The following CNIH3 variants were observed in gnomAD, a reference collection of about 807,000 sequenced individuals.
CNIH3 encodes the protein protein cornichon homolog 3.
Under a neutral mutation model 24.1 loss-of-function variants are expected in CNIH3, and 14 were observed. The ratio of observed to expected loss-of-function variants is 0.58; its 90% CI spans 0.38 to 0.91. CNIH3 has a LOEUF of 0.91. Ranked by LOEUF, CNIH3 falls within the 40% of genes least tolerant of loss-of-function variation. CNIH3 has a pLI of 0.00. For missense variants in CNIH3, 178 were observed against 196.8 expected, an observed-to-expected ratio of 0.90 and a Z score of 0.57; for synonymous variants, 68 against 73.8, an observed-to-expected ratio of 0.92 and a Z score of 0.40.
intron 5 of CNIH3, 33 bp from the exon 6 acceptor site, chr1:224,739,293 CTCT>C: frequency 1.3e-6 from 2 of 1,561,666 alleles, no homozygotes; most frequent in Non-Finnish European, 8.6e-7. Flanking sequence ...ACACCTTCCT[CTCT>C]TTTTTTTTTT....
intron 1 of CNIH3, among the ~76,000 whole-genome samples, chr1:224,504,181 G>T (rs144222647): frequency 1.3e-5 from 2 of 152,296 alleles, no homozygotes; most frequent in African/African-American, 4.8e-5. Flanking sequence ...CCACATGTTA[G>T]CTGACCTTGG....
chr1:224,734,806 G>A (rs1187149276), intron 5 of CNIH3, 100 bp downstream of exon 5: 1 of 1,280,742 alleles, frequency 7.8e-7, no homozygotes, highest in Non-Finnish European at 1.1e-6. Flanking sequence ...TGGCGTGCGA[G>A]GGTGGGAGTC....
intron 3 of CNIH3, among the ~76,000 whole-genome samples, chr1:224,551,048 A>G (rs983688432): frequency 2.6e-4 from 39 of 152,228 alleles, no homozygotes; most frequent in Middle Eastern, 3.4e-3. Context: ...TAGAATGGCG[A>G]TCATTAAAAA....
chr1:224,528,877 C>T (rs931633564), intron 2 of CNIH3, among the ~76,000 whole-genome samples: 3 of 152,264 alleles, frequency 2.0e-5, no homozygotes, highest in African/African-American at 4.8e-5. Flanking sequence ...ACCCAACTTG[C>T]GCGTGGTCAT....
chr1:224,450,366 A>G (rs1039386778), intron 1 of CNIH3, among the ~76,000 whole-genome samples: 1 of 152,140 alleles, frequency 6.6e-6, no homozygotes, highest in Non-Finnish European at 1.5e-5. Flanking sequence ...TTAAAGAAGG[A>G]CCACATGACA....
chr1:224,577,981 C>G (rs1056957693), intron 4 of CNIH3, among the ~76,000 whole-genome samples: 2 of 151,736 alleles, frequency 1.3e-5, no homozygotes, highest in Non-Finnish European at 2.9e-5. Flanking sequence ...GAAAACCAAA[C>G]ATCCTATGTT....
intron 1 of CNIH3, among the ~76,000 whole-genome samples, chr1:224,678,584 T>C (rs1264688100): frequency 6.6e-6 from 1 of 152,038 alleles, no homozygotes; most frequent in Admixed American, 6.6e-5. Flanking sequence ...AGAGGAAAGA[T>C]TTGCTGGGGT....
intron 1 of CNIH3, among the ~76,000 whole-genome samples, chr1:224,500,732 G>A (rs1677622085): frequency 6.6e-6 from 1 of 152,066 alleles, no homozygotes; most frequent in African/African-American, 2.4e-5. Flanking sequence ...TCTTTAATCT[G>A]AGTAGACTTG....
chr1:224,531,192 C>A (rs1679056153), intron 2 of CNIH3, among the ~76,000 whole-genome samples: 2 of 152,108 alleles, frequency 1.3e-5, no homozygotes, highest in South Asian at 2.1e-4. Context: ...TATTTAGTAA[C>A]CATTAATAAA....
chr1:224,585,477 CTT>C (rs200807437), intron 5 of CNIH3, among the ~76,000 whole-genome samples: 5 of 145,266 alleles, frequency 3.4e-5, no homozygotes, highest in African/African-American at 5.1e-5. Context: ...TTCTTTTATT[CTT>C]TTTTTTTTTT....
At chr1:224,584,992 A>G (rs1681437564) in intron 5 of CNIH3, among the ~76,000 whole-genome samples, 2 of 152,228 alleles carry the variant, frequency 1.3e-5, no homozygotes, top group Admixed American at 1.3e-4. Flanking sequence ...CCAATAAAGC[A>G]TGAATTCATG....
chr1:224,443,709 A>ATTTTT (rs200142506), intron 1 of CNIH3, among the ~76,000 whole-genome samples: 17 of 149,374 alleles, frequency 1.1e-4, no homozygotes, highest in Non-Finnish European at 2.4e-4. Flanking sequence ...ATATATATAT[A>ATTTTT]TATTTTTTTA....
intron 2 of CNIH3, among the ~76,000 whole-genome samples, chr1:224,545,138 A>G (rs1298028898): frequency 1.3e-5 from 2 of 152,226 alleles, no homozygotes; most frequent in Admixed American, 1.3e-4. Context: ...ATTGCAATGT[A>G]TATGTACAAA....
chr1:224,510,598 AAAAAAAAAAAC>A (rs1215794048), intron 1 of CNIH3, among the ~76,000 whole-genome samples: 19 of 69,576 alleles, frequency 2.7e-4, no homozygotes, highest in South Asian at 4.7e-4. Context: ...CCCTGTCTCA[AAAAAAAAAAAC>A]AAAAAAAAAA....
At chr1:224,650,943 G>A (rs1684829509) in intron 1 of CNIH3, among the ~76,000 whole-genome samples, 1 of 152,114 alleles carries the variant, frequency 6.6e-6, no homozygotes, top group Non-Finnish European at 1.5e-5. Context: ...CGTGGACACT[G>A]GCTTGATGGG....
intron 1 of CNIH3, among the ~76,000 whole-genome samples, chr1:224,510,396 G>C (rs577589580): frequency 6.6e-6 from 1 of 152,024 alleles, no homozygotes; most frequent in Non-Finnish European, 1.5e-5. Flanking sequence ...AGGGAGGCCA[G>C]TTGGGAGACT....
chr1:224,582,968 G>A (rs1172961788), intron 4 of CNIH3, among the ~76,000 whole-genome samples: 1 of 152,168 alleles, frequency 6.6e-6, no homozygotes, highest in Non-Finnish European at 1.5e-5. Flanking sequence ...CATGTGCTGG[G>A]AGTTTACAGA....
intron 3 of CNIH3, among the ~76,000 whole-genome samples, chr1:224,706,020 G>A (rs1687788573): frequency 6.6e-6 from 1 of 151,970 alleles, no homozygotes; most frequent in Admixed American, 6.6e-5. Flanking sequence ...TTACTAGGCA[G>A]CACTGCATTT....
At chr1:224,498,301 GT>G (rs1677515526) in intron 1 of CNIH3, among the ~76,000 whole-genome samples, 1 of 152,208 alleles carries the variant, frequency 6.6e-6, no homozygotes, top group Non-Finnish European at 1.5e-5. Flanking sequence ...AGTGATGGTG[GT>G]GGCGGTAGGG....
Sources: gnomAD v4.1 joint callset for allele counts (sites outside exome capture counted in the v4.1 genomes callset) on GRCh38, gnomAD v4.1.1 for gene constraint, MANE v1.5 for transcripts, NCBI Gene and HGNC (gene_info 2026-07-23, HGNC 2026-07-21) for gene names.